The following PLA2G2F variants were observed in gnomAD, a reference collection of about 807,000 sequenced individuals.
The protein encoded by PLA2G2F is group IIF secretory phospholipase A2.
Under a neutral mutation model 15.9 loss-of-function variants are expected in PLA2G2F, and 17 were observed. The ratio of observed to expected loss-of-function variants is 1.07; its 90% CI spans 0.73 to 1.60. PLA2G2F has a LOEUF of 1.60. Ranked by LOEUF, PLA2G2F falls within the 40% of genes most tolerant of loss-of-function variation. The pLI is 0.00. For synonymous variants in PLA2G2F, 119 were observed against 106.5 expected, an observed-to-expected ratio of 1.12 and a Z score of -0.72; for missense variants, 299 against 278.2, an observed-to-expected ratio of 1.07 and a Z score of -0.53.
intron 4 of PLA2G2F, 123 bp downstream of exon 4, chr1:20,144,812 C>T: frequency 3.6e-6 from 3 of 823,418 alleles, no homozygotes; most frequent in Non-Finnish European, 5.8e-6. Context: ...TGCGGTGGCT[C>T]ATGCCTGTAA....
intron 1 of PLA2G2F, 117 bp downstream of exon 1, chr1:20,139,660 G>T: frequency 1.3e-6 from 1 of 772,158 alleles, no homozygotes; most frequent in South Asian, 2.0e-5. Flanking sequence ...GAACCCCAAA[G>T]GGATCATTTA....
intron 3 of PLA2G2F, chr1:20,143,839 G>T (rs1219201916): frequency 1.3e-5 from 6 of 453,050 alleles, no homozygotes; most frequent in African/African-American, 1.2e-4. Flanking sequence ...TCTAGGAAGG[G>T]ACCTTTGACT....
At position 20,148,671 on chromosome 1, in the gene PLA2G2F, G is replaced by A. The variant is rs373877214; in HGVS notation, c.*270G>A. The A allele has an allele frequency of 5.9e-5, 29 of 491,652 alleles. No individual in the cohort carries two copies. Among genetic ancestry groups the A allele is most frequent in the African/African-American group, 2.3e-4 (12 of 51,856 alleles). 30.5% of individuals were successfully genotyped at this position (491,652 alleles called of 1,614,324 possible). A position where few individuals can be genotyped will look rare whatever the true frequency, so the allele number is the denominator to read the frequency against. On this transcript the variant is annotated 3_prime_UTR_variant, in exon 5 of 5. Transcript: ENST00000375102. The stretch of plus-strand genomic sequence containing the variant: ...ATAGGGGTCTCTCCTGAGGGTGGCC[G>A]GGGAGACCTGAGAGAGAGGAGGAGG...
At chr1:20,147,757 C>T (rs2017641733) in intron 4 of PLA2G2F, among the ~76,000 whole-genome samples, 1 of 152,182 alleles carries the variant, frequency 6.6e-6, no homozygotes, top group Non-Finnish European at 1.5e-5. Flanking sequence ...GCAATAACTC[C>T]CTCTTCACTG....
intron 4 of PLA2G2F, 41 bp from the exon 5 acceptor site, chr1:20,148,148 GC>G: frequency 1.3e-6 from 2 of 1,517,516 alleles, no homozygotes; most frequent in Non-Finnish European, 1.8e-6. Flanking sequence ...GGGAGCTGCT[GC>G]CCCTTTCATC....
At chr1:20,144,039 T>C (rs1569897723) in intron 3 of PLA2G2F, 1 of 182,758 alleles carries the variant, frequency 5.5e-6, no homozygotes, top group East Asian at 1.4e-4. Context: ...AGCACCAAGT[T>C]TGTATCACAG....
intron 3 of PLA2G2F, among the ~76,000 whole-genome samples, chr1:20,144,346 T>C (rs1261963891): frequency 1.3e-5 from 2 of 152,186 alleles, no homozygotes; most frequent in Non-Finnish European, 2.9e-5. Flanking sequence ...GAATGTGTCC[T>C]GGGAGGGGCA....
chr1:20,140,358 A>G, intron 2 of PLA2G2F, 140 bp downstream of exon 2: 1 of 886,432 alleles, frequency 1.1e-6, no homozygotes, highest in Admixed American at 2.8e-5. Flanking sequence ...GTCTCAGCCC[A>G]GCAGGCTGCA....
chr1:20,146,196 G>T (rs2017601101), intron 4 of PLA2G2F, among the ~76,000 whole-genome samples: 1 of 152,216 alleles, frequency 6.6e-6, no homozygotes, highest in Non-Finnish European at 1.5e-5. Context: ...GGAGTCAGGG[G>T]ACCTGGGTTT....
rs199651935 is a variant in PLA2G2F, at chr1:20,139,460, G to T, written c.33G>T (p.Gly11=). ...ATGGGGCAAAGGCCAACCCCAAAGG[G>T]TTCAAAAAGAAGGTGCTGGATAGAT... MADGAKANPK[G]FKKKVLDRCF... The change falls in exon 1 of 5, where the codon GGG becomes GGT. Residue 11 remains glycine, a synonymous_variant. Transcript: ENST00000375102. 8.9e-6 allele frequency: 14 copies of T among 1,575,416 alleles called. No individual in the cohort carries two copies. In the East Asian group the frequency reaches 3.0e-4, roughly 34 times the overall value.
At chr1:20,139,665 C>T (rs1294221062) in intron 1 of PLA2G2F, 122 bp downstream of exon 1, 1 of 736,352 alleles carries the variant, frequency 1.4e-6, no homozygotes, top group Non-Finnish European at 2.1e-6. Flanking sequence ...CCAAAGGGAT[C>T]ATTTAGTCAA....
rs544770815 is a variant in PLA2G2F at position 20,146,479 on chromosome 1, G to C, written c.425-1711G>C. 6.4e-4 allele frequency among the ~76,000 whole-genome samples: 97 copies of C among 152,268 alleles called. 1 individual carries two copies. The highest frequency in any genetic ancestry group is 2.3e-3 in the African/African-American group (94 of 41,548). On this transcript the variant is annotated intron_variant, in intron 4 of 4. Transcript: ENST00000375102. Reference sequence around the variant, plus strand: ...GGCTATTTCCCAACTGAGACATGTAGGTAAGCGCAAGTGGCATCCAAGTAG... The same window carrying C: ...GGCTATTTCCCAACTGAGACATGTACGTAAGCGCAAGTGGCATCCAAGTAG...
rs750448231 is a variant in PLA2G2F at position 20,143,529 on chromosome 1, G to C, written c.253G>C (p.Val85Leu). 3.1e-6 allele frequency: 5 copies of C among 1,614,062 alleles called. No individual in the cohort carries two copies. Among genetic ancestry groups the C allele is most frequent in the Non-Finnish European group, 4.2e-6 (5 of 1,179,978 alleles). The change falls in exon 3 of 5, where the codon GTG becomes CTG. Residue 85 changes from valine to leucine, a missense_variant. Coordinates refer to ENST00000375102, the MANE Select transcript of PLA2G2F (RefSeq NM_022819.4). ...VTGRSAILSF[V>L]GYGCYCGLGG... The stretch of plus-strand genomic sequence containing the variant: ...AGGGAGGAGCGCCATCCTGTCCTTC[G>C]TGGGCTACGGTTGCTACTGTGGGCT...
intron 4 of PLA2G2F, among the ~76,000 whole-genome samples, chr1:20,146,081 G>A (rs913763966): frequency 2.0e-5 from 3 of 152,244 alleles, no homozygotes; most frequent in African/African-American, 7.2e-5. Flanking sequence ...GGGTGATTCT[G>A]ATTCCGTGGG....
At chr1:20,140,051 C>A in intron 1 of PLA2G2F, 115 bp from the exon 2 acceptor site, 1 of 1,088,692 alleles carries the variant, frequency 9.2e-7, no homozygotes, top group Non-Finnish European at 1.4e-6. Context: ...GCAACTAGGA[C>A]ATCAAGGGAC....
chr1:20,145,907 T>A (rs2017594829), intron 4 of PLA2G2F, among the ~76,000 whole-genome samples: 1 of 152,226 alleles, frequency 6.6e-6, no homozygotes, highest in African/African-American at 2.4e-5. Context: ...CAGCCCAGCC[T>A]GAAATTGAAA....
chr1:20,144,774 C>A lies in PLA2G2F; in HGVS notation c.424+85C>A, dbSNP rs1424469975. The stretch of plus-strand genomic sequence containing the variant: ...TGTGCTGGGATGGTGGACAGGCTTG[C>A]CAGATTAAATACAGGCTGCCAGCCG... On this transcript the variant is annotated intron_variant, in intron 4 of 4. Coordinates refer to ENST00000375102, the MANE Select transcript of PLA2G2F (RefSeq NM_022819.4). The A allele has an allele frequency of 9.9e-6, 12 of 1,218,158 alleles. No individual in the cohort carries two copies. The African/African-American group carries it at 1.2e-4, about 12-fold the overall frequency. The allele number at this position is 1,218,158 out of a possible 1,614,324, so 75.5% of individuals were successfully genotyped here.
intron 1 of PLA2G2F, 46 bp from the exon 2 acceptor site, chr1:20,140,120 A>T: frequency 6.2e-7 from 1 of 1,600,156 alleles, no homozygotes; most frequent in Non-Finnish European, 8.5e-7. Flanking sequence ...AACACTGCCA[A>T]GGGTGGAGGG....
At chr1:20,139,945 G>T (rs569904791) in intron 1 of PLA2G2F, among the ~76,000 whole-genome samples, 22 of 152,208 alleles carry the variant, frequency 1.4e-4, no homozygotes, top group African/African-American at 4.8e-4. Context: ...CTGCCAGAGT[G>T]GGGGGCAAGG....
Sources: allele counts gnomAD v4.1 joint callset (sites outside exome capture counted in the v4.1 genomes callset), GRCh38; gene constraint gnomAD v4.1.1; transcripts MANE v1.5; gene names NCBI Gene and HGNC (gene_info 2026-07-23, HGNC 2026-07-21).